TANC1: variants seen among roughly 807,000 people sequenced by gnomAD.
TANC1 encodes protein TANC1.
TANC1 carries 77 observed loss-of-function variants against 149.7 expected under a neutral mutation model. The observed-to-expected ratio is 0.51, with a 90% CI of 0.43 to 0.62. The LOEUF is 0.62. TANC1 is among the 20% of genes least tolerant of loss of function. The pLI, the probability that TANC1 is intolerant of heterozygous loss-of-function variation, is 0.00. For synonymous variants in TANC1, 854 were observed against 925.0 expected, an observed-to-expected ratio of 0.92 and a Z score of 1.39; for missense variants, 1,985 against 2,321.8, an observed-to-expected ratio of 0.85 and a Z score of 2.98.
chr2:159,224,914 C>G (rs2059925316), intron 23 of TANC1: 1 of 159,994 alleles, frequency 6.3e-6, no homozygotes, highest in African/African-American at 2.4e-5. Context: ...GGGAGGGTCA[C>G]TATTTTGGTT....
Position 159,224,365 on chromosome 2 carries a change from G to GCC in TANC1, c.3811+1_3811+2insCC. 6.2e-7 allele frequency: 1 copy of GCC among 1,614,134 alleles called. No homozygotes were observed. ...CTACTCAGAAAGGGAGCCAAGTTAG[G>GCC]TCAGTGAGCACTGCCTCCATTGAGC... is the stretch of plus-strand genomic sequence containing the variant. On this transcript the variant is annotated splice_donor_variant, in intron 23 of 26. Transcript: ENST00000263635. LOFTEE classifies it high-confidence loss of function.
intron 4 of TANC1, among the ~76,000 whole-genome samples, chr2:159,109,267 C>T (rs1353915363): frequency 6.6e-6 from 1 of 152,158 alleles, no homozygotes; most frequent in Non-Finnish European, 1.5e-5. Flanking sequence ...GATTCATGTC[C>T]CGGCTCTGTA....
At chr2:159,143,513 T>G (rs1442188738) in intron 5 of TANC1, among the ~76,000 whole-genome samples, 2 of 115,624 alleles carry the variant, frequency 1.7e-5, no homozygotes, top group African/African-American at 3.4e-5. Flanking sequence ...GCCCCAGGAG[T>G]TCATAACCAG....
At chr2:159,121,870 A>G (rs1370539783) in intron 4 of TANC1, among the ~76,000 whole-genome samples, 1 of 152,220 alleles carries the variant, frequency 6.6e-6, no homozygotes, top group Non-Finnish European at 1.5e-5. Flanking sequence ...GCTTTACATA[A>G]GCAACATCCA....
intron 2 of TANC1, among the ~76,000 whole-genome samples, chr2:159,014,695 G>T (rs1490877812): frequency 6.6e-6 from 1 of 152,174 alleles, no homozygotes; most frequent in African/African-American, 2.4e-5. Flanking sequence ...ATACAAAGGG[G>T]GTACTGACAT....
At chr2:159,106,410 A>G (rs1249117592) in intron 4 of TANC1, among the ~76,000 whole-genome samples, 2 of 152,222 alleles carry the variant, frequency 1.3e-5, no homozygotes, top group African/African-American at 4.8e-5. Context: ...AAATGGAATC[A>G]TAATATGTGG....
In TANC1 at chr2:158,982,195, T is replaced by G. The variant is rs182749560; in HGVS notation, c.-126+13413T>G. Reference sequence around the variant, plus strand: ...CCAGCGCATTCTTATATTTAATCCTTTAACCAGCAGGGACACTGTTTTCTG... The same window carrying G: ...CCAGCGCATTCTTATATTTAATCCTGTAACCAGCAGGGACACTGTTTTCTG... On this transcript the variant is annotated intron_variant, in intron 1 of 26. Coordinates refer to ENST00000263635, the MANE Select transcript of TANC1 (RefSeq NM_033394.3). Among the ~76,000 whole-genome samples, 3 of 152,322 alleles carry G rather than the reference T, an allele frequency of 2.0e-5. No homozygotes were observed. In the East Asian group the frequency reaches 5.8e-4, roughly 29 times the overall value.
chr2:159,042,969 C>T (rs1273063775), intron 2 of TANC1, among the ~76,000 whole-genome samples: 1 of 152,108 alleles, frequency 6.6e-6, no homozygotes, highest in Non-Finnish European at 1.5e-5. Context: ...ATTAGCATCA[C>T]ATAAACAGAA....
rs566860229 is a variant in TANC1 at position 159,140,412 on chromosome 2, A to G, written c.364+4114A>G. 2.6e-5 allele frequency among the ~76,000 whole-genome samples: 4 copies of G among 152,316 alleles called. No individual in the cohort carries two copies. In the South Asian group the frequency reaches 6.2e-4, roughly 24 times the overall value. ...TGATGGAAGTATAGAAAAGGGGCAT[A>G]CCTGGTATGTGTGCACAGAAGAGAG... is the stretch of plus-strand genomic sequence containing the variant. On this transcript the variant is annotated intron_variant, in intron 5 of 26. Transcript: ENST00000263635.
intron 4 of TANC1, among the ~76,000 whole-genome samples, chr2:159,135,986 C>T (rs1046313683): frequency 3.4e-5 from 5 of 145,874 alleles, no homozygotes; most frequent in Admixed American, 6.8e-5. Context: ...GACGTTCCCT[C>T]GTCTGTACTG....
intron 9 of TANC1, 139 bp from the exon 10 acceptor site, chr2:159,170,385 C>G: frequency 4.0e-6 from 3 of 752,452 alleles, no homozygotes; most frequent in Non-Finnish European, 6.3e-6. Context: ...ATTAATAGAA[C>G]GAGATTGGAA....
chr2:159,069,481 C>T (rs1336756084), intron 3 of TANC1, among the ~76,000 whole-genome samples: 1 of 152,106 alleles, frequency 6.6e-6, no homozygotes, highest in Non-Finnish European at 1.5e-5. Flanking sequence ...ACAACCTTTA[C>T]CACGTTTCTT....
chr2:159,149,481 A>T, intron 6 of TANC1: 1 of 615,876 alleles, frequency 1.6e-6, no homozygotes, highest in Non-Finnish European at 2.9e-6. Flanking sequence ...ACGTAAGAAA[A>T]TGTCCACATT....
At chr2:158,969,590 C>T (rs1169367721) in intron 1 of TANC1, among the ~76,000 whole-genome samples, 3 of 152,222 alleles carry the variant, frequency 2.0e-5, no homozygotes, top group Non-Finnish European at 4.4e-5. Context: ...GCGCGCAGCG[C>T]TGTGGGTGTG....
At chr2:159,138,212 C>A (rs896836539) in intron 5 of TANC1, among the ~76,000 whole-genome samples, 1 of 152,052 alleles carries the variant, frequency 6.6e-6, no homozygotes, top group African/African-American at 2.4e-5. Flanking sequence ...AATACAGGAC[C>A]AGACATTTCG....
At chr2:159,086,619 T>A (rs2044888788) in intron 3 of TANC1, among the ~76,000 whole-genome samples, 2 of 151,984 alleles carry the variant, frequency 1.3e-5, no homozygotes, top group South Asian at 4.2e-4. Context: ...CCTCTGGAAA[T>A]AAAGGGAGAT....
chr2:159,162,708 T>C (rs1343548573), intron 7 of TANC1, among the ~76,000 whole-genome samples: 1 of 152,220 alleles, frequency 6.6e-6, no homozygotes, highest in Non-Finnish European at 1.5e-5. Context: ...CCATTTCGTG[T>C]TGCTGAGGAA....
Position 159,229,987 on chromosome 2 carries a change from C to T in TANC1, c.4561C>T (p.Pro1521Ser). ...GTCCCTGAGAGAGCCTGTGGCCCAG[C>T]CAGGGCTGCTCCTGCAGCCCTCCAA... ...GKSLREPVAQ[P>S]GLLLQPSKQA... The change falls in exon 27 of 27, where the codon CCA becomes TCA. Residue 1521 changes from proline (P) to serine (S), a missense_variant. Coordinates refer to ENST00000263635, the MANE Select transcript of TANC1 (RefSeq NM_033394.3). 1.2e-6 allele frequency: 2 copies of T among 1,614,088 alleles called. No individual in the cohort carries two copies. Among genetic ancestry groups the T allele is most frequent in the South Asian group, 2.2e-5 (2 of 91,092 alleles).
intron 4 of TANC1, among the ~76,000 whole-genome samples, chr2:159,122,224 C>T (rs2048918365): frequency 6.6e-6 from 1 of 152,192 alleles, no homozygotes; most frequent in Admixed American, 6.5e-5. Flanking sequence ...AGGTGTGAGC[C>T]ACTGTTCCTG....
Sources: gnomAD v4.1 joint callset for allele counts (sites outside exome capture counted in the v4.1 genomes callset) on GRCh38, gnomAD v4.1.1 for gene constraint, MANE v1.5 for transcripts, NCBI Gene and HGNC (gene_info 2026-07-23, HGNC 2026-07-21) for gene names.